PCDH11X: variants seen among roughly 807,000 people sequenced by gnomAD.
PCDH11X encodes protocadherin 11 X-linked, also known as protocadherin-11 X-linked.
Under a neutral mutation model 53.3 loss-of-function variants are expected in PCDH11X, and 18 were observed. That is an observed-to-expected ratio of 0.34 (90% confidence interval 0.23 to 0.50). PCDH11X has a LOEUF of 0.50. Among genes scored for constraint, PCDH11X ranks in the 20% least tolerant of loss-of-function variants. The pLI is 0.98. For missense variants in PCDH11X, 570 were observed against 1,032.4 expected, an observed-to-expected ratio of 0.55 and a Z score of 6.14; for synonymous variants, 279 against 393.3, an observed-to-expected ratio of 0.71 and a Z score of 3.44.
chrX:92,026,415 G>GA (rs200795708), intron 6 of PCDH11X, among the ~76,000 whole-genome samples: 6,190 of 103,645 alleles, frequency 0.06, 295 homozygotes, highest in East Asian at 0.28. Flanking sequence ...CCTTTTTACA[G>GA]AAAAAAAAAA....
intron 8 of PCDH11X, among the ~76,000 whole-genome samples, chrX:92,273,660 G>A (rs908680608): frequency 5.4e-5 from 6 of 110,913 alleles, no homozygotes; most frequent in Admixed American, 4.8e-4. Context: ...AACCTAGAGT[G>A]GGAGAGATTA....
intron 5 of PCDH11X, among the ~76,000 whole-genome samples, chrX:91,872,381 A>G (rs1229721598): frequency 9.1e-6 from 1 of 109,912 alleles, no homozygotes; most frequent in African/African-American, 3.3e-5. Flanking sequence ...GCCTATACAG[A>G]CTGAGAATTA....
At chrX:92,121,135 T>A (rs1412632185) in intron 6 of PCDH11X, among the ~76,000 whole-genome samples, 3 of 108,777 alleles carry the variant, frequency 2.8e-5, no homozygotes, top group East Asian at 3.1e-4. Flanking sequence ...CTTCTAAAAT[T>A]TTTTTTGTTT....
chrX:92,605,030 A>C (rs1602430805), intron 10 of PCDH11X, among the ~76,000 whole-genome samples: 1 of 100,872 alleles, frequency 9.9e-6, no homozygotes, highest in East Asian at 2.9e-4. Flanking sequence ...ACTAGGCAGT[A>C]GATCAATAAA....
chrX:91,787,080 A>G (rs957307747), intron 1 of PCDH11X, among the ~76,000 whole-genome samples: 1 of 105,816 alleles, frequency 9.5e-6, no homozygotes, highest in Admixed American at 1.0e-4. Flanking sequence ...TTAACAGTAC[A>G]TGCTTATATG....
rs1222207371 is a variant in PCDH11X, at chrX:92,305,978, C to G, written c.3144+42835C>G. ...AAAATAGGAGAATACACATTTTTCTCAAGTACACTTAGAACACTCTCCAGA... is the reference window on the plus strand; with the variant it reads ...AAAATAGGAGAATACACATTTTTCTGAAGTACACTTAGAACACTCTCCAGA... On this transcript the variant is annotated intron_variant, in intron 8 of 10. Coordinates refer to ENST00000682573, the MANE Select transcript of PCDH11X (RefSeq NM_032968.5). 2.8e-5 allele frequency among the ~76,000 whole-genome samples: 3 copies of G among 108,880 alleles called. No individual in the cohort carries two copies. In the East Asian group the frequency reaches 8.7e-4, roughly 32 times the overall value. 94.5% of individuals were successfully genotyped at this position (108,880 alleles called of 115,157 possible).
Position 92,423,786 on chromosome X carries a change from G to A in PCDH11X, c.3343+35853G>A, listed in dbSNP as rs1252519346. 2.1e-5 allele frequency among the ~76,000 whole-genome samples: 2 copies of A among 97,264 alleles called. 1 individual carries two copies. Among genetic ancestry groups the A allele is most frequent in the Non-Finnish European group, 4.5e-5 (2 of 44,132 alleles). The allele number at this position is 97,264 out of a possible 115,157, so 84.5% of individuals were successfully genotyped here. ...TTATGTTTTTGTTTGCTTTGTCAAA[G>A]ATCAGTTGGCTGTAAGTATTTGGGT... On this transcript the variant is annotated intron_variant, in intron 9 of 10. Coordinates refer to ENST00000682573, the MANE Select transcript of PCDH11X (RefSeq NM_032968.5).
chrX:92,439,355 G>C (rs1202704938), intron 9 of PCDH11X, among the ~76,000 whole-genome samples: 1 of 110,799 alleles, frequency 9.0e-6, no homozygotes, highest in African/African-American at 3.3e-5. Context: ...AGCTTAAAAG[G>C]AAAACAAAAT....
chrX:92,015,254 G>A (rs1356197147), intron 6 of PCDH11X, among the ~76,000 whole-genome samples: 1 of 111,330 alleles, frequency 9.0e-6, no homozygotes, highest in Non-Finnish European at 1.9e-5. Flanking sequence ...TCTTTTTGCT[G>A]GTGAAGGGTC....
Position 92,388,019 on chromosome X carries a change from A to G in PCDH11X, c.3343+86A>G. The G allele has an allele frequency of 5.1e-6, 6 of 1,184,329 alleles. No homozygotes were observed. The South Asian group carries it at 1.1e-4, about 22-fold the overall frequency. ...TATCATAGCCATAATAACATGGGCT[A>G]ATTCATTATGTTATTGTGAATAGTG... On this transcript the variant is annotated intron_variant, in intron 9 of 10. Transcript: ENST00000682573.
chrX:91,892,200 A>G (rs1459380338), intron 6 of PCDH11X, among the ~76,000 whole-genome samples: 1 of 107,796 alleles, frequency 9.3e-6, no homozygotes, highest in Non-Finnish European at 1.9e-5. Context: ...TATTATGTTG[A>G]TAATACCTCC....
chrX:91,803,643 T>G (rs1347531883), intron 1 of PCDH11X, among the ~76,000 whole-genome samples: 3 of 111,612 alleles, frequency 2.7e-5, no homozygotes, highest in Middle Eastern at 9.3e-3. Flanking sequence ...TTCCCTCATA[T>G]GTAAACGGAA....
chrX:91,835,865 A>G lies in PCDH11X; in HGVS notation c.361A>G (p.Arg121Gly). The G allele has an allele frequency of 8.3e-7, 1 of 1,209,048 alleles. No homozygotes were observed. Among genetic ancestry groups the G allele is most frequent in the Non-Finnish European group, 1.1e-6 (1 of 894,618 alleles). Residue 121 changes from arginine (R) to glycine (G), a missense_variant, in exon 5 of 11, where the codon AGA (arginine) becomes GGA (glycine). Arg to Gly is a moderately radical substitution (Grantham distance 125, BLOSUM62 -2). This residue lies in a region of PCDH11X where 84 missense variants were observed against 142.0 expected (regional missense o/e 0.59). Transcript: ENST00000682573. ...EVAILPDEIFRLVKIRFLIED... is the reference protein window; with the variant it reads ...EVAILPDEIFGLVKIRFLIED... ...TGCCATTTTGCCGGATGAAATATTT[A>G]GACTGGTTAAGATACGTTTTCTGAT...
intron 6 of PCDH11X, among the ~76,000 whole-genome samples, chrX:92,193,369 T>G (rs2066233593): frequency 9.0e-6 from 1 of 111,267 alleles, no homozygotes; most frequent in Non-Finnish European, 1.9e-5. Context: ...TATGTATAAC[T>G]TTTGTTTTTT....
intron 6 of PCDH11X, among the ~76,000 whole-genome samples, chrX:91,949,284 A>G (rs1426916925): frequency 2.9e-4 from 32 of 109,781 alleles, no homozygotes; most frequent in African/African-American, 1.0e-3. Flanking sequence ...AGGACAAGAC[A>G]AAAACAGCCA....
At chrX:92,393,864 T>C (rs1256406845) in intron 9 of PCDH11X, among the ~76,000 whole-genome samples, 1 of 111,518 alleles carries the variant, frequency 9.0e-6, no homozygotes, top group Non-Finnish European at 1.9e-5. Context: ...TAGGCAGGTA[T>C]AAACAGTGAT....
At chrX:92,421,891 CT>C (rs1255014536) in intron 9 of PCDH11X, among the ~76,000 whole-genome samples, 2 of 111,522 alleles carry the variant, frequency 1.8e-5, no homozygotes, top group Non-Finnish European at 3.8e-5. Context: ...ACTTTGCCCA[CT>C]TTTTAATGGA....
intron 6 of PCDH11X, among the ~76,000 whole-genome samples, chrX:91,903,684 T>TGC (rs1941044642): frequency 9.2e-6 from 1 of 109,175 alleles, no homozygotes; most frequent in African/African-American, 3.3e-5. Flanking sequence ...TGTGTGTGTG[T>TGC]GTGTGCGTGT....
intron 6 of PCDH11X, among the ~76,000 whole-genome samples, chrX:91,886,851 G>A (rs1220731077): frequency 1.9e-5 from 2 of 106,880 alleles, no homozygotes; most frequent in Non-Finnish European, 3.9e-5. Context: ...GGCGCCTGTA[G>A]TCCCAGCTAC....
Sources: gnomAD v4.1 joint callset for allele counts (sites outside exome capture counted in the v4.1 genomes callset) on GRCh38, gnomAD v4.1.1 for gene constraint, gnomAD v4.1.1 regional missense constraint, MANE v1.5 for transcripts, NCBI Gene and HGNC (gene_info 2026-07-23, HGNC 2026-07-21) for gene names.